Variants in LGI2 observed in about 807,000 individuals in gnomAD.
LGI2 encodes the protein leucine-rich repeat LGI family member 2.
LGI2 carries 30 observed loss-of-function variants against 52.0 expected under a neutral mutation model. The ratio of observed to expected loss-of-function variants is 0.58; its 90% CI spans 0.43 to 0.78. LGI2 has a LOEUF of 0.78. Among genes scored for constraint, LGI2 ranks in the 30% least tolerant of loss-of-function variants. The probability of loss-of-function intolerance (pLI) is 0.00; values close to 1 mark genes in which losing one functional copy is unlikely to be tolerated. For missense variants in LGI2, 573 were observed against 692.5 expected (o/e 0.83, Z 1.94); for synonymous variants, 270 against 271.8 (o/e 0.99, Z 0.06).
rs963570388 is a variant in LGI2, at chr4:24,998,943, T to C, written c.*4508A>G. 1 of 152,236 alleles carries C rather than the reference T, an allele frequency of 6.6e-6. No individual in the cohort carries two copies. Among genetic ancestry groups the C allele is most frequent in the African/African-American group, 2.4e-5 (1 of 41,472 alleles). 9.4% of individuals were successfully genotyped at this position (152,236 alleles called of 1,614,324 possible). The stretch of plus-strand genomic sequence containing the variant: ...CCTATTTACCAAAAAGAGCTAAATA[T>C]GTATACAGCCTAAAATACATCCACT... On this transcript the variant is annotated 3_prime_UTR_variant, in exon 8 of 8. Transcript: ENST00000382114.
intron 7 of LGI2, among the ~76,000 whole-genome samples, chr4:25,009,708 T>C (rs1725515192): frequency 6.6e-6 from 1 of 152,138 alleles, no homozygotes; most frequent in Admixed American, 6.5e-5. Flanking sequence ...CGATCTTGGC[T>C]CACTGCAACC....
Position 25,004,075 on chromosome 4 carries a change from C to T in LGI2, c.1014G>A (p.Thr338=), listed in dbSNP as rs201326854. The change falls in exon 8 of 8, where the codon ACG becomes ACA. Residue 338 remains threonine, a synonymous_variant. Transcript: ENST00000382114. This position sits in a 1 kb window ranked among gnomAD's most constrained non-coding sequence, Gnocchi z 4.6. ...TTGAGCTGTCTGCGATGACAAAGAA[C>T]GTCTCGTCGTCGATCTGAAACAGCT... is the stretch of plus-strand genomic sequence containing the variant. ...DIELFQIDDE[T]FFVIADSSKA... 29 of 1,614,042 alleles carry T rather than the reference C, an allele frequency of 1.8e-5. No individual in the cohort carries two copies. The highest frequency in any genetic ancestry group is 8.3e-5 in the Admixed American group (5 of 60,004).
Position 25,003,815 on chromosome 4 carries a change from C to A in LGI2, c.1274G>T (p.Ser425Ile), listed in dbSNP as rs765677664. ...PNMEDVLAVK[S>I]FRMQNTLYLS... ...GTAGAGGGTATTTTGCATTCGGAAG[C>A]TCTTCACAGCCAGTACGTCCTCCAT... is the stretch of plus-strand genomic sequence containing the variant. Residue 425 changes from serine to isoleucine, a missense_variant, in exon 8 of 8, where the codon AGC (serine) becomes ATC (isoleucine). By Grantham distance (142) the Ser-to-Ile change is moderately radical. Transcript: ENST00000382114. 1 of 1,614,178 alleles carries A rather than the reference C, an allele frequency of 6.2e-7. No homozygotes were observed. Among genetic ancestry groups the A allele is most frequent in the Non-Finnish European group, 8.5e-7 (1 of 1,180,044 alleles).
At chr4:24,992,290 C>T in the LGI2 span, among the ~76,000 whole-genome samples, 1 of 152,152 alleles carries the variant, frequency 6.6e-6, no homozygotes, top group South Asian at 2.1e-4. Flanking sequence ...TATTCCCAGA[C>T]TCAGGCCTTG....
the LGI2 span, among the ~76,000 whole-genome samples, chr4:24,992,184 C>A: frequency 6.6e-6 from 1 of 152,212 alleles, no homozygotes; most frequent in Non-Finnish European, 1.5e-5. Flanking sequence ...CTCTCCCTCC[C>A]TTAGGCAAGA....
At chr4:25,018,252 TC>T (rs1725836648) in intron 5 of LGI2, 94 bp from the exon 6 acceptor site, 1 of 852,432 alleles carries the variant, frequency 1.2e-6, no homozygotes, top group African/African-American at 1.7e-5. Context: ...ATTATTAACA[TC>T]CTGATATATT....
At chr4:25,009,585 T>C (rs1018618129) in intron 7 of LGI2, among the ~76,000 whole-genome samples, 1 of 152,212 alleles carries the variant, frequency 6.6e-6, no homozygotes, top group Non-Finnish European at 1.5e-5. Context: ...TTCTTTCTTA[T>C]TGTCTCTTTC....
intron 7 of LGI2, among the ~76,000 whole-genome samples, chr4:25,006,082 A>C (rs193011641): frequency 1.3e-5 from 2 of 152,234 alleles, no homozygotes; most frequent in Non-Finnish European, 2.9e-5. Flanking sequence ...TAATCACAAG[A>C]CCTTGCCCCT....
At chr4:25,014,484 C>CCCCCA (rs1553871855) in intron 6 of LGI2, among the ~76,000 whole-genome samples, 1 of 116,782 alleles carries the variant, frequency 8.6e-6, no homozygotes, top group Admixed American at 9.6e-5. Flanking sequence ...CCGCCCCCGC[C>CCCCCA]AAAAAAAAGG....
intron 4 of LGI2, 37 bp downstream of exon 4, chr4:25,024,782 CA>C: frequency 7.1e-7 from 1 of 1,401,046 alleles, no homozygotes; most frequent in African/African-American, 1.4e-5. Context: ...TCTTACTCCA[CA>C]TATTAGAGGA....
At chr4:24,995,201 C>T (rs569699411), downstream of LGI2, among the ~76,000 whole-genome samples, 34 of 152,214 alleles carry the variant, frequency 2.2e-4, no homozygotes, top group South Asian at 6.2e-3. Context: ...TGTGGTGACA[C>T]GTCATAGTGT....
intron 3 of LGI2, among the ~76,000 whole-genome samples, chr4:25,026,139 A>G (rs1644047483): frequency 6.6e-6 from 1 of 151,698 alleles, no homozygotes; most frequent in Admixed American, 6.6e-5. Context: ...TACCTGTTGA[A>G]CTCAGACAAG....
At chr4:25,015,684 C>A (rs1190741351) in intron 6 of LGI2, among the ~76,000 whole-genome samples, 1 of 152,156 alleles carries the variant, frequency 6.6e-6, no homozygotes, top group Admixed American at 6.5e-5. Context: ...TCCATTTTCC[C>A]TCCATCCTCA....
chr4:25,029,728 G>A (rs1726262677), intron 1 of LGI2, among the ~76,000 whole-genome samples: 1 of 152,232 alleles, frequency 6.6e-6, no homozygotes, highest in Non-Finnish European at 1.5e-5. Context: ...TGAAAAAGCA[G>A]CCAACACAAC....
chr4:25,025,032 C>T, intron 3 of LGI2, 141 bp from the exon 4 acceptor site: 2 of 584,678 alleles, frequency 3.4e-6, no homozygotes, highest in South Asian at 2.6e-5. Flanking sequence ...GTCAGCTACA[C>T]CAAATTCCAT....
intron 2 of LGI2, among the ~76,000 whole-genome samples, chr4:25,027,394 TAAAAAAAAA>T (rs10615910): frequency 6.9e-6 from 1 of 144,380 alleles, no homozygotes; most frequent in African/African-American, 2.6e-5. Context: ...TAACAATAGT[TAAAAAAAAA>T]AAAAAAAAAG....
chr4:25,014,621 G>C (rs951903385), intron 6 of LGI2, among the ~76,000 whole-genome samples: 2 of 152,102 alleles, frequency 1.3e-5, no homozygotes, highest in Non-Finnish European at 2.9e-5. Flanking sequence ...TTGAGGCCAG[G>C]AGTTTGAGAC....
At position 25,003,475 on chromosome 4, in the gene LGI2, ATG is replaced by A; in HGVS notation, c.1612_1613del (p.His538TyrfsTer4). The A allele has an allele frequency of 6.3e-7, 1 of 1,594,768 alleles. No homozygotes were observed. The highest frequency in any genetic ancestry group is 8.5e-7 in the Non-Finnish European group (1 of 1,173,796). On this transcript the variant is annotated frameshift_variant, in exon 8 of 8. Transcript: ENST00000382114. LOFTEE classifies it high-confidence loss of function. The stretch of plus-strand genomic sequence containing the variant: ...TTCACAAACTTAAGTCAACAATTAT[ATG>A]TTCAAAAATCTTTGTTTTCCCTTTG... ...SFKGKTKIFE[H>X]IIVDLSL
At chr4:24,998,303 C>T (rs1386050712), downstream of LGI2, among the ~76,000 whole-genome samples, 1 of 152,092 alleles carries the variant, frequency 6.6e-6, no homozygotes, top group African/African-American at 2.4e-5. Flanking sequence ...TTTCAGAAGC[C>T]CGATAGCATA....
Sources: gnomAD v4.1 joint callset for allele counts (sites outside exome capture counted in the v4.1 genomes callset) on GRCh38, gnomAD v4.1.1 for gene constraint, Gnocchi (gnomAD v3.1) non-coding constraint, MANE v1.5 for transcripts, NCBI Gene and HGNC (gene_info 2026-07-23, HGNC 2026-07-21) for gene names.